The following ADAMTS1 variants were observed in gnomAD, a reference collection of about 807,000 sequenced individuals.
ADAMTS1 encodes the protein A disintegrin and metalloproteinase with thrombospondin motifs 1.
ADAMTS1 carries 19 observed loss-of-function variants against 87.9 expected under a neutral mutation model. The observed-to-expected ratio is 0.22, with a 90% confidence interval of 0.15 to 0.32. The LOEUF is 0.32. Among genes scored for constraint, ADAMTS1 ranks in the 10% least tolerant of loss-of-function variants. The pLI is 1.00. For synonymous variants in ADAMTS1, 542 were observed against 501.8 expected, an observed-to-expected ratio of 1.08 and a Z score of -1.07; for missense variants, 1,240 against 1,259.1, an observed-to-expected ratio of 0.98 and a Z score of 0.23.
At chr21:26,839,384 G>A in intron 7 of ADAMTS1, 1 of 501,036 alleles carries the variant, frequency 2.0e-6, no homozygotes, top group Middle Eastern at 5.4e-4. Flanking sequence ...AGCATGTGAA[G>A]TGTTAGATTT....
rs779199058 is a variant in ADAMTS1 at position 26,844,959 on chromosome 21, G to A, written c.-5C>T. The A allele has an allele frequency of 1.5e-5, 23 of 1,499,098 alleles. 1 individual carries two copies. The African/African-American group carries it at 2.0e-4, about 13-fold the overall frequency. 92.9% of individuals were successfully genotyped at this position (1,499,098 alleles called of 1,614,324 possible). A position where few individuals can be genotyped will look rare whatever the true frequency, so the allele number is the denominator to read the frequency against. The stretch of plus-strand genomic sequence containing the variant: ...CTCGGGCACAGCTCGCTGCATTGGA[G>A]CCCCAGGAGACACCGCTCGTAGCAG... On this transcript the variant is annotated 5_prime_UTR_variant, in exon 1 of 9. Transcript: ENST00000284984.
At chr21:26,843,346 C>T in intron 1 of ADAMTS1, 1 of 401,644 alleles carries the variant, frequency 2.5e-6, no homozygotes, top group African/African-American at 2.1e-5. Context: ...AGACCCAACC[C>T]CTGCAGAAAG....
In ADAMTS1 at chr21:26,839,894, C is replaced by A. The variant is rs747518739; in HGVS notation, c.1833G>T (p.Glu611Asp). ...KRVRYRSCNL[E>D]DCPDNNGKTF... ...CCTCACCATTATTGTCTGGACAGTC[C>A]TCAAGGTTACAGGATCTGTAGCGCA... is the stretch of plus-strand genomic sequence containing the variant. Residue 611 changes from glutamate (E) to aspartate (D), a missense_variant, in exon 6 of 9, where the codon GAG becomes GAT. Physicochemically the swap from Glu to Asp is conservative, Grantham distance 45. Coordinates refer to ENST00000284984, the MANE Select transcript of ADAMTS1 (RefSeq NM_006988.5). 6 of 1,613,800 alleles carry A rather than the reference C, an allele frequency of 3.7e-6. No individual in the cohort carries two copies. Among genetic ancestry groups the A allele is most frequent in the South Asian group, 1.1e-5 (1 of 91,068 alleles).
In ADAMTS1 at chr21:26,837,750, C is replaced by G; in HGVS notation, c.2733G>C (p.Gln911His). The G allele has an allele frequency of 1.2e-6, 2 of 1,614,228 alleles. No homozygotes were observed. Among genetic ancestry groups the G allele is most frequent in the Non-Finnish European group, 8.5e-7 (1 of 1,180,044 alleles). Residue 911 changes from glutamine to histidine, a missense_variant, in exon 9 of 9, where the codon CAG (glutamine) becomes CAC (histidine). By Grantham distance (24) the Gln-to-His change is conservative. Around this residue, in one of 3 missense-constraint regions of ADAMTS1, gnomAD observed 402 missense variants for 399.1 expected, o/e 1.01. Transcript: ENST00000284984. Reference protein sequence around the residue: ...TRPCADHPCPQWQLGEWSSCS... With the variant: ...TRPCADHPCPHWQLGEWSSCS... ...ATGATGACCACTCCCCCAGCTGCCACTGGGGGCAGGGATGGTCTGCACAAG... is the reference window on the plus strand; with the variant it reads ...ATGATGACCACTCCCCCAGCTGCCAGTGGGGGCAGGGATGGTCTGCACAAG...
rs746711162 is a variant in ADAMTS1 at position 26,838,632 on chromosome 21, G to A, written c.2029-18C>T. 33 of 1,609,740 alleles carry A rather than the reference G, an allele frequency of 2.1e-5. No individual in the cohort carries two copies. The South Asian group carries it at 3.6e-4, about 18-fold the overall frequency. On this transcript the variant is annotated intron_variant, in intron 7 of 8. Transcript: ENST00000284984. ...TCTACAACCTGAAAAAAGGACACAT[G>A]TCTAGTGTTACATACAAGCAAAGGA...
intron 4 of ADAMTS1, 140 bp from the exon 5 acceptor site, chr21:26,840,702 G>T: frequency 2.0e-6 from 2 of 979,432 alleles, no homozygotes; most frequent in Non-Finnish European, 3.0e-6. Flanking sequence ...GGAGGGAAAT[G>T]CTGAAGAGAT....
At chr21:26,840,093 A>G (rs751882594) in intron 5 of ADAMTS1, 32 bp from the exon 6 acceptor site, 44 of 1,598,206 alleles carry the variant, frequency 2.8e-5, no homozygotes, top group Non-Finnish European at 3.4e-5. Context: ...CAGCATTAGA[A>G]TTATCTAAAG....
rs1386281774 is a variant in ADAMTS1, at chr21:26,837,137, A to T, written c.*442T>A. On this transcript the variant is annotated 3_prime_UTR_variant, in exon 9 of 9. Coordinates refer to ENST00000284984, the MANE Select transcript of ADAMTS1 (RefSeq NM_006988.5). ...TGTACTCCTTTCTCCCCCCATTGTTAGTGAGGTAAAGTAAAACAGGTCTTA... is the reference window on the plus strand; with the variant it reads ...TGTACTCCTTTCTCCCCCCATTGTTTGTGAGGTAAAGTAAAACAGGTCTTA... 6.1e-6 allele frequency: 1 copy of T among 164,592 alleles called. No homozygotes were observed. The highest frequency in any genetic ancestry group is 1.3e-5 in the Non-Finnish European group (1 of 74,330). The allele number at this position is 164,592 out of a possible 1,614,324, so 10.2% of individuals were successfully genotyped here. A position where few individuals can be genotyped will look rare whatever the true frequency, so the allele number is the denominator to read the frequency against.
At chr21:26,844,167 A>G (rs1281538421) in intron 1 of ADAMTS1, 58 bp downstream of exon 1, 15 of 1,503,854 alleles carry the variant, frequency 1.0e-5, no homozygotes, top group Non-Finnish European at 1.2e-5. Context: ...GTCGCGTGGG[A>G]TAGATAAAGT....
chr21:26,841,185 C>T lies in ADAMTS1; in HGVS notation c.1211-20G>A, dbSNP rs778056267. On this transcript the variant is annotated intron_variant, in intron 3 of 8. Coordinates refer to ENST00000284984, the MANE Select transcript of ADAMTS1 (RefSeq NM_006988.5). ...CGTGGCCTAGGAAGCAATCCAGAAC[C>T]CACATTAAAGTATGGATCATGGCTG... 6.2e-7 allele frequency: 1 copy of T among 1,612,248 alleles called. No individual in the cohort carries two copies. Among genetic ancestry groups the T allele is most frequent in the East Asian group, 2.2e-5 (1 of 44,808 alleles).
chr21:26,839,768 A>T lies in ADAMTS1; in HGVS notation c.1853-6T>A, dbSNP rs1031753781. ...TTCCTCTCTAAAGGTTTTTCCTGGAAAGAGAATAATATGATAACATTATCA... is the reference window on the plus strand; with the variant it reads ...TTCCTCTCTAAAGGTTTTTCCTGGATAGAGAATAATATGATAACATTATCA... On this transcript the variant is annotated splice_polypyrimidine_tract_variant and splice_region_variant and intron_variant, in intron 6 of 8. Transcript: ENST00000284984. The T allele has an allele frequency of 1.1e-5, 17 of 1,604,578 alleles. No homozygotes were observed. The highest frequency in any genetic ancestry group is 1.4e-5 in the Non-Finnish European group (17 of 1,172,804).
chr21:26,839,686 C>T lies in ADAMTS1; in HGVS notation c.1929G>A (p.Val643=). 2 of 1,613,868 alleles carry T rather than the reference C, an allele frequency of 1.2e-6. No individual in the cohort carries two copies. Among genetic ancestry groups the T allele is most frequent in the Non-Finnish European group, 1.7e-6 (2 of 1,179,768 alleles). Residue 643 remains valine (V), a synonymous_variant, in exon 7 of 9, where the codon GTG becomes GTA. Transcript: ENST00000284984. The part of the protein sequence containing the change: ...SKASFGSGPA[V]EWIPKYAGVS... ...CGCCAGCGTACTTGGGAATCCATTCCACCGCAGGCCCACTCCCAAAGGAAG... is the reference window on the plus strand; with the variant it reads ...CGCCAGCGTACTTGGGAATCCATTCTACCGCAGGCCCACTCCCAAAGGAAG...
In ADAMTS1 at chr21:26,837,816, A is replaced by G; in HGVS notation, c.2667T>C (p.Ala889=). ...VECRDINGQP[A]SECAKEVKPA... The stretch of plus-strand genomic sequence containing the variant: ...GCTTCACTTCCTTTGCACACTCGGA[A>G]GCAGGCTGTCCATTAATGTCTCGGC... Residue 889 remains alanine (A), a synonymous_variant, in exon 9 of 9, where the codon GCT becomes GCC. Transcript: ENST00000284984. 1 of 1,614,220 alleles carries G rather than the reference A, an allele frequency of 6.2e-7. No homozygotes were observed. Among genetic ancestry groups the G allele is most frequent in the Admixed American group, 1.7e-5 (1 of 60,030 alleles).
At position 26,844,255 on chromosome 21, in the gene ADAMTS1, G is replaced by T; in HGVS notation, c.700C>A (p.Pro234Thr). The T allele has an allele frequency of 1.3e-6, 2 of 1,577,494 alleles. No individual in the cohort carries two copies. The highest frequency in any genetic ancestry group is 8.6e-7 in the Non-Finnish European group (1 of 1,161,918). Residue 234 changes from proline to threonine, a missense_variant, in exon 1 of 9, where the codon CCG becomes ACG. Transcript: ENST00000284984. The stretch of plus-strand genomic sequence containing the variant: ...GGCTGTCCTACGCCTTGCAGTGCCG[G>T]GTCCTGCGGCGACCACTGAGCCCCT... ...DEGAQWSPQD[P>T]ALQGVGQPTG...
chr21:26,840,393 A>G lies in ADAMTS1; in HGVS notation c.1548T>C (p.Gly516=), dbSNP rs1946819143. The change falls in exon 5 of 9, where the codon GGT becomes GGC. Residue 516 remains glycine (G), a synonymous_variant. Transcript: ENST00000284984. ...CSTLWCTGTS[G]GVLVCQTKHF... The stretch of plus-strand genomic sequence containing the variant: ...GTTTGGTTTGACACACCAGCACCCC[A>G]CCAGAGGTGCCGGTACACCACAAGG... 6.2e-7 allele frequency: 1 copy of G among 1,614,196 alleles called. No homozygotes were observed. The highest frequency in any genetic ancestry group is 8.5e-7 in the Non-Finnish European group (1 of 1,180,026).
intron 1 of ADAMTS1, chr21:26,843,074 G>A (rs1985529696): frequency 3.7e-6 from 1 of 269,014 alleles, no homozygotes; most frequent in African/African-American, 2.3e-5. Flanking sequence ...AATCCTGAAT[G>A]AGATCATCAG....
In ADAMTS1 at chr21:26,844,205, A is replaced by G; in HGVS notation, c.730+20T>C. On this transcript the variant is annotated intron_variant, in intron 1 of 8. Transcript: ENST00000284984. ...GGAGAGGAGGATGAATGGACAGACAAACGAGAGCAATTCTTCTACCTGTGG... is the reference window on the plus strand; with the variant it reads ...GGAGAGGAGGATGAATGGACAGACAGACGAGAGCAATTCTTCTACCTGTGG... 1 of 1,526,000 alleles carries G rather than the reference A, an allele frequency of 6.6e-7. No homozygotes were observed. The highest frequency in any genetic ancestry group is 8.8e-7 in the Non-Finnish European group (1 of 1,136,312). 94.5% of individuals were successfully genotyped at this position (1,526,000 alleles called of 1,614,324 possible). A position where few individuals can be genotyped will look rare whatever the true frequency, so the allele number is the denominator to read the frequency against.
Position 26,840,280 on chromosome 21 carries a change from A to G in ADAMTS1, c.1661T>C (p.Phe554Ser). 6.2e-7 allele frequency: 1 copy of G among 1,611,380 alleles called. No homozygotes were observed. The highest frequency in any genetic ancestry group is 8.5e-7 in the Non-Finnish European group (1 of 1,177,772). ...TGTTTCAGTAGAAAAACTCACATCA[A>G]AATGCTTTCTGTCGGTTTTGTTCAC... Reference protein sequence around the residue: ...KCVNKTDRKHFDTPFHGSWGM... With the variant: ...KCVNKTDRKHSDTPFHGSWGM... Residue 554 changes from phenylalanine (F) to serine (S), a missense_variant, in exon 5 of 9, where the codon TTT becomes TCT. Coordinates refer to ENST00000284984, the MANE Select transcript of ADAMTS1 (RefSeq NM_006988.5).
rs549423276 is a variant in ADAMTS1, at chr21:26,836,310, T to C, written c.*1269A>G. The C allele has an allele frequency of 1.1e-3, 175 of 152,596 alleles. 1 individual carries two copies. Among genetic ancestry groups the C allele is most frequent in the Admixed American group, 2.8e-3 (43 of 15,310 alleles). 9.5% of individuals were successfully genotyped at this position (152,596 alleles called of 1,614,324 possible). ...CATTCCAAAAGTGTTCTTTTATTTCTAGTAACATATATTGTATAAATACTC... is the reference window on the plus strand; with the variant it reads ...CATTCCAAAAGTGTTCTTTTATTTCCAGTAACATATATTGTATAAATACTC... On this transcript the variant is annotated 3_prime_UTR_variant, in exon 9 of 9. Coordinates refer to ENST00000284984, the MANE Select transcript of ADAMTS1 (RefSeq NM_006988.5).
Sources: allele counts gnomAD v4.1 joint callset, GRCh38; gene constraint gnomAD v4.1.1; regional missense constraint gnomAD v4.1.1; transcripts MANE v1.5; gene names NCBI Gene and HGNC (gene_info 2026-07-23, HGNC 2026-07-21).